STK39: variants seen among roughly 807,000 people sequenced by gnomAD.
STK39 encodes the protein STE20/SPS1-related proline-alanine-rich protein kinase.
A neutral mutation model predicts 77.8 loss-of-function variants in STK39; 20 were observed. The ratio of observed to expected loss-of-function variants is 0.26; its 90% confidence interval spans 0.18 to 0.37. STK39 has a LOEUF of 0.37. STK39 is among the 10% of genes least tolerant of loss of function. The pLI, the probability that STK39 is intolerant of heterozygous loss-of-function variation, is 1.00. For missense variants in STK39, 479 were observed against 656.5 expected (o/e 0.73, Z 2.95); for synonymous variants, 246 against 234.1 (o/e 1.05, Z -0.47).
At chr2:168,234,089 G>A (rs1346515931) in intron 1 of STK39, among the ~76,000 whole-genome samples, 2 of 152,224 alleles carry the variant, frequency 1.3e-5, no homozygotes, top group Admixed American at 6.5e-5. Context: ...AAAATCAGGT[G>A]ATGCCTGTCT....
At chr2:168,157,005 G>T (rs974679681) in intron 5 of STK39, among the ~76,000 whole-genome samples, 9 of 152,160 alleles carry the variant, frequency 5.9e-5, no homozygotes, top group African/African-American at 2.2e-4. Flanking sequence ...GAAGGAAAAT[G>T]AAAGAACCTA....
chr2:168,123,635 C>T (rs1348189170), intron 10 of STK39, among the ~76,000 whole-genome samples: 2 of 151,858 alleles, frequency 1.3e-5, no homozygotes, highest in Non-Finnish European at 2.9e-5. Flanking sequence ...TTTTAGAGGC[C>T]CAGGTCAGAG....
intron 1 of STK39, among the ~76,000 whole-genome samples, chr2:168,242,317 C>T (rs1690778038): frequency 6.6e-6 from 1 of 151,030 alleles, no homozygotes. Context: ...ATCCCAGCAA[C>T]TTGGGAGGCT....
At chr2:168,054,994 C>CT (rs1380792023) in intron 14 of STK39, among the ~76,000 whole-genome samples, 6 of 152,198 alleles carry the variant, frequency 3.9e-5, no homozygotes, top group African/African-American at 9.7e-5. Flanking sequence ...GGTAAGCTCT[C>CT]TGAGTGCAGA....
intron 12 of STK39, among the ~76,000 whole-genome samples, chr2:168,072,525 T>C (rs116775114): frequency 0.021 from 3,126 of 152,290 alleles, 112 homozygotes; most frequent in African/African-American, 0.072. Flanking sequence ...TACTTACTTA[T>C]TAAGGCTATT....
At chr2:168,236,164 G>A (rs964729485) in intron 1 of STK39, among the ~76,000 whole-genome samples, 17 of 152,058 alleles carry the variant, frequency 1.1e-4, no homozygotes, top group African/African-American at 3.6e-4. Flanking sequence ...GTGTGAGATG[G>A]TATCTCATTG....
At chr2:168,090,486 C>T (rs998834148) in intron 10 of STK39, among the ~76,000 whole-genome samples, 1 of 152,160 alleles carries the variant, frequency 6.6e-6, no homozygotes, top group Non-Finnish European at 1.5e-5. Flanking sequence ...GTAAAGAGGA[C>T]TCCATTAGTT....
intron 16 of STK39, among the ~76,000 whole-genome samples, chr2:167,996,213 G>T (rs1683834717): frequency 6.6e-6 from 1 of 152,032 alleles, no homozygotes; most frequent in Admixed American, 6.6e-5. Flanking sequence ...CGTGATGTAG[G>T]GCCAAGAACA....
Position 168,075,154 on chromosome 2 carries a change from C to T in STK39, c.1167G>A (p.Met389Ile), listed in dbSNP as rs1686046983. Residue 389 changes from methionine (M) to isoleucine (I), a missense_variant, in exon 11 of 18, where the codon ATG becomes ATA. Met to Ile is a conservative substitution (Grantham distance 10). Transcript: ENST00000355999. ...CTTTCCCTTCTTCGCTCTTCTCATCCATCTCGTCGTCACTCCACTCCCAGT... is the reference window on the plus strand; with the variant it reads ...CTTTCCCTTCTTCGCTCTTCTCATCTATCTCGTCGTCACTCCACTCCCAGT... ...DGDWEWSDDE[M>I]DEKSEEGKAA... 1.2e-6 allele frequency: 2 copies of T among 1,614,148 alleles called. No homozygotes were observed. The highest frequency in any genetic ancestry group is 1.7e-6 in the Non-Finnish European group (2 of 1,180,032).
Position 168,188,343 on chromosome 2 carries a change from G to A in STK39, c.209-6253C>T, listed in dbSNP as rs550296335. 4.6e-5 allele frequency among the ~76,000 whole-genome samples: 7 copies of A among 152,286 alleles called. No homozygotes were observed. In the East Asian group the frequency reaches 1.2e-3, roughly 25 times the overall value. On this transcript the variant is annotated intron_variant, in intron 1 of 17. Coordinates refer to ENST00000355999, the MANE Select transcript of STK39 (RefSeq NM_013233.3). The stretch of plus-strand genomic sequence containing the variant: ...CAGCCAACTGTCACCATCTGAGATC[G>A]CTGACCTGGCATAGCAAGACAGTCA...
intron 6 of STK39, 129 bp downstream of exon 6, chr2:168,140,520 A>G: frequency 8.7e-7 from 1 of 1,149,240 alleles, no homozygotes. Flanking sequence ...TTAGCTAGCA[A>G]TTGAGAATTA....
intron 1 of STK39, among the ~76,000 whole-genome samples, chr2:168,208,204 TTA>T (rs2105690097): frequency 6.6e-6 from 1 of 152,346 alleles, no homozygotes; most frequent in East Asian, 1.9e-4. Flanking sequence ...CCATTGAGAT[TTA>T]AAATTAGGCA....
chr2:168,208,032 G>A (rs186846524), intron 1 of STK39, among the ~76,000 whole-genome samples: 191 of 152,312 alleles, frequency 1.3e-3, no homozygotes, highest in Middle Eastern at 3.4e-3. Flanking sequence ...ATTTGACTCA[G>A]CAGGCTCCTT....
At chr2:168,167,135 G>A (rs1688712263) in intron 3 of STK39, among the ~76,000 whole-genome samples, 164 bp downstream of exon 3, 2 of 152,132 alleles carry the variant, frequency 1.3e-5, no homozygotes, top group Admixed American at 1.3e-4. Flanking sequence ...AGCTTTGAAG[G>A]TCAATGTGAA....
intron 14 of STK39, among the ~76,000 whole-genome samples, chr2:168,038,803 A>G (rs1450760104): frequency 6.6e-6 from 1 of 152,196 alleles, no homozygotes; most frequent in African/African-American, 2.4e-5. Flanking sequence ...AGAAAGGTTC[A>G]ATGTCACTAA....
chr2:168,124,203 GTTCAAGCAATAACCC>G (rs1355784195), intron 10 of STK39, among the ~76,000 whole-genome samples: 15 of 152,194 alleles, frequency 9.9e-5, no homozygotes, highest in Admixed American at 9.8e-4. Context: ...GATTAAGAAA[GTTCAAGCAATAACCC>G]TCCAGTAAAT....
chr2:168,000,738 T>A lies in STK39; in HGVS notation c.1498+11896A>T, dbSNP rs555308340. On this transcript the variant is annotated intron_variant, in intron 16 of 17. Coordinates refer to ENST00000355999, the MANE Select transcript of STK39 (RefSeq NM_013233.3). Reference sequence around the variant, plus strand: ...AAAGTGCAGAGCTCTGACAGCACGATCTTGACCCCAGATCTATTCAGCCAA... The same window carrying A: ...AAAGTGCAGAGCTCTGACAGCACGAACTTGACCCCAGATCTATTCAGCCAA... Among the ~76,000 whole-genome samples, 24 of 152,308 alleles carry A rather than the reference T, an allele frequency of 1.6e-4. No individual in the cohort carries two copies. The South Asian group carries it at 5.0e-3, about 32-fold the overall frequency.
chr2:168,102,783 T>C (rs371280019), intron 10 of STK39, among the ~76,000 whole-genome samples: 4 of 151,632 alleles, frequency 2.6e-5, no homozygotes, highest in Admixed American at 6.6e-5. Context: ...CAAAAAAAAT[T>C]AGTCTGTGTG....
intron 5 of STK39, among the ~76,000 whole-genome samples, chr2:168,153,347 G>A (rs1253192975): frequency 1.3e-5 from 2 of 152,140 alleles, no homozygotes; most frequent in Non-Finnish European, 2.9e-5. Flanking sequence ...AGGGGGAGAG[G>A]TAAATACAGA....
Sources: allele counts gnomAD v4.1 joint callset (sites outside exome capture counted in the v4.1 genomes callset), GRCh38; gene constraint gnomAD v4.1.1; transcripts MANE v1.5; gene names NCBI Gene and HGNC (gene_info 2026-07-23, HGNC 2026-07-21).